The following NNT variants were observed in gnomAD, a reference collection of about 807,000 sequenced individuals.
NNT encodes the protein nicotinamide nucleotide transhydrogenase.
In NNT, 50 loss-of-function variants were observed where a neutral mutation model predicts 104.8. The observed-to-expected ratio is 0.48, with a 90% CI of 0.38 to 0.60. The LOEUF is 0.60. NNT is among the 20% of genes least tolerant of loss of function. The pLI is 0.00. For synonymous variants in NNT, 461 were observed against 490.4 expected (o/e 0.94, Z 0.79); for missense variants, 1,131 against 1,330.7 (o/e 0.85, Z 2.33).
intron 7 of NNT, among the ~76,000 whole-genome samples, chr5:43,643,787 A>G (rs760486795): frequency 2.6e-5 from 4 of 152,238 alleles, no homozygotes; most frequent in Non-Finnish European, 5.9e-5. Flanking sequence ...TACTCTTGAC[A>G]TTGGTGACCT....
intron 15 of NNT, among the ~76,000 whole-genome samples, chr5:43,656,283 TA>T (rs903443977): frequency 6.6e-6 from 1 of 152,030 alleles, no homozygotes; most frequent in African/African-American, 2.4e-5. Context: ...CTACTTTTTA[TA>T]AAAAATAAAA....
chr5:43,672,035 G>A (rs371964859), intron 17 of NNT, among the ~76,000 whole-genome samples: 3 of 151,540 alleles, frequency 2.0e-5, no homozygotes, highest in African/African-American at 4.9e-5. Context: ...TCATTCATTC[G>A]ATCTTCAATC....
intron 20 of NNT, among the ~76,000 whole-genome samples, chr5:43,701,795 C>A (rs1458167368): frequency 1.3e-5 from 2 of 152,082 alleles, no homozygotes; most frequent in African/African-American, 2.4e-5. Context: ...ATAGTAATTT[C>A]ATTGTGGTTT....
intron 5 of NNT, among the ~76,000 whole-genome samples, chr5:43,621,078 G>A (rs967119713): frequency 1.3e-5 from 2 of 152,212 alleles, no homozygotes; most frequent in African/African-American, 4.8e-5. Context: ...GCTCATTAAG[G>A]TGGATTGCAT....
chr5:43,670,732 G>A (rs1264270066), intron 17 of NNT, among the ~76,000 whole-genome samples: 1 of 152,242 alleles, frequency 6.6e-6, no homozygotes, highest in Non-Finnish European at 1.5e-5. Context: ...TAAGTGCAGT[G>A]TGGTGCTGAG....
chr5:43,696,363 G>T (rs1480654928), intron 19 of NNT, among the ~76,000 whole-genome samples: 1 of 152,158 alleles, frequency 6.6e-6, no homozygotes, highest in African/African-American at 2.4e-5. Context: ...TACAAGAGGT[G>T]GGTTCCCATG....
chr5:43,613,086 T>C lies in NNT; in HGVS notation c.330T>C (p.Gly110=). Residue 110 remains glycine (G), a synonymous_variant, in exon 3 of 22, where the codon GGT becomes GGC. Coordinates refer to ENST00000344920, the MANE Select transcript of NNT (RefSeq NM_182977.3). ...CAGATGATCACTATAGAGTGGCAGG[T>C]GCCCAAATCCAAGGGGCAAAGGAAG... ...KFSDDHYRVA[G]AQIQGAKEVL... 6.3e-7 allele frequency: 1 copy of C among 1,589,866 alleles called. No individual in the cohort carries two copies. Among genetic ancestry groups the C allele is most frequent in the Non-Finnish European group, 8.5e-7 (1 of 1,172,278 alleles).
intron 11 of NNT, 54 bp from the exon 12 acceptor site, chr5:43,650,423 T>C (rs1244770525): frequency 1.0e-5 from 13 of 1,268,828 alleles, no homozygotes; most frequent in Non-Finnish European, 9.2e-6. Context: ...AGCTATGATA[T>C]TTGATTTGGT....
intron 20 of NNT, among the ~76,000 whole-genome samples, chr5:43,701,654 T>C (rs960523229): frequency 1.3e-5 from 2 of 152,130 alleles, no homozygotes; most frequent in African/African-American, 4.8e-5. Flanking sequence ...AATCTCCAAA[T>C]TGCTTTCCAC....
intron 3 of NNT, among the ~76,000 whole-genome samples, chr5:43,614,022 A>G (rs1217681278): frequency 6.6e-6 from 1 of 152,242 alleles, no homozygotes. Flanking sequence ...CATGGGGGTT[A>G]ACTGTAACTC....
At chr5:43,629,958 C>T (rs1318869800) in intron 7 of NNT, among the ~76,000 whole-genome samples, 1 of 152,086 alleles carries the variant, frequency 6.6e-6, no homozygotes, top group African/African-American at 2.4e-5. Context: ...TTTTACTGTG[C>T]AAAAGCTTTT....
At chr5:43,605,785 T>G (rs1199845079) in intron 1 of NNT, among the ~76,000 whole-genome samples, 1 of 152,182 alleles carries the variant, frequency 6.6e-6, no homozygotes. Flanking sequence ...TATGTATTGC[T>G]TTTGCCAAGA....
At chr5:43,644,580 G>A in intron 8 of NNT, 31 bp from the exon 9 acceptor site, 2 of 1,562,802 alleles carry the variant, frequency 1.3e-6, no homozygotes, top group Non-Finnish European at 8.7e-7. Context: ...TAGGGTGATA[G>A]ACCTTTTTGA....
At position 43,619,060 on chromosome 5, in the gene NNT, C is replaced by A. The variant is rs748578749; in HGVS notation, c.628C>A (p.His210Asn). ...TAAGGCTGTTGTCCTAGCAGCAAAT[C>A]ATTTTGGACGTTTTTTTACTGGTCA... is the stretch of plus-strand genomic sequence containing the variant. The part of the protein sequence containing the change: ...GYKAVVLAAN[H>N]FGRFFTGQIT... The change falls in exon 5 of 22, where the codon CAT (histidine) becomes AAT (asparagine). Residue 210 changes from histidine to asparagine, a missense_variant. Coordinates refer to ENST00000344920, the MANE Select transcript of NNT (RefSeq NM_182977.3). The A allele has an allele frequency of 6.4e-7, 1 of 1,550,742 alleles. No individual in the cohort carries two copies. Among genetic ancestry groups the A allele is most frequent in the East Asian group, 2.3e-5 (1 of 42,758 alleles).
chr5:43,625,955 G>T (rs538122523), intron 6 of NNT, among the ~76,000 whole-genome samples: 14 of 152,156 alleles, frequency 9.2e-5, no homozygotes, highest in Non-Finnish European at 2.1e-4. Context: ...AGTAGATCAT[G>T]AAGATCTTTC....
intron 2 of NNT, among the ~76,000 whole-genome samples, chr5:43,610,321 A>G (rs1264507906): frequency 6.6e-6 from 1 of 151,168 alleles, no homozygotes; most frequent in Non-Finnish European, 1.5e-5. Context: ...ACTCTCTTTC[A>G]TCAGTCTTGC....
chr5:43,687,517 C>T (rs1342156445), intron 19 of NNT, among the ~76,000 whole-genome samples: 1 of 152,092 alleles, frequency 6.6e-6, no homozygotes, highest in Admixed American at 6.6e-5. Flanking sequence ...TACATTGTGC[C>T]AGAATTTTTT....
intron 17 of NNT, among the ~76,000 whole-genome samples, chr5:43,671,717 T>G (rs1484049150): frequency 6.6e-6 from 1 of 152,202 alleles, no homozygotes; most frequent in African/African-American, 2.4e-5. Flanking sequence ...GCCCTTAACA[T>G]TTTTTCCTTC....
At chr5:43,655,786 G>T in intron 14 of NNT, 54 bp from the exon 15 acceptor site, 1 of 1,253,676 alleles carries the variant, frequency 8.0e-7, no homozygotes, top group Non-Finnish European at 1.2e-6. Context: ...CTTTGTTGTG[G>T]TTACTTCTCA....
Sources: gnomAD v4.1 joint callset for allele counts (sites outside exome capture counted in the v4.1 genomes callset) on GRCh38, gnomAD v4.1.1 for gene constraint, MANE v1.5 for transcripts, NCBI Gene and HGNC (gene_info 2026-07-23, HGNC 2026-07-21) for gene names.